The following EFNA5 variants were observed in gnomAD, a reference collection of about 807,000 sequenced individuals.
EFNA5 encodes ephrin-A5.
In EFNA5, 5 loss-of-function variants were observed where a neutral mutation model predicts 22.9. That is an observed-to-expected ratio of 0.22 (90% confidence interval 0.11 to 0.46). The LOEUF (loss-of-function observed/expected upper bound fraction) is 0.46. Among genes scored for constraint, EFNA5 ranks in the 20% least tolerant of loss-of-function variants. EFNA5 has a pLI of 0.99. For synonymous variants in EFNA5, 113 were observed against 112.2 expected, an observed-to-expected ratio of 1.01 and a Z score of -0.04; for missense variants, 237 against 293.3, an observed-to-expected ratio of 0.81 and a Z score of 1.40.
intron 1 of EFNA5, among the ~76,000 whole-genome samples, chr5:107,515,362 T>TTTATTATTATTATTATTA (rs70996961): frequency 2.8e-5 from 4 of 141,312 alleles, no homozygotes; most frequent in African/African-American, 7.9e-5. Context: ...TATTTTTTAT[T>TTTATTATTATTATTATTA]TTATTATTAT....
chr5:107,543,349 T>C (rs1424032523), intron 1 of EFNA5, among the ~76,000 whole-genome samples: 1 of 152,234 alleles, frequency 6.6e-6, no homozygotes, highest in East Asian at 1.9e-4. Context: ...AAGGAGACAT[T>C]TCAATTTAAG....
At chr5:107,527,511 G>A (rs755609186) in intron 1 of EFNA5, among the ~76,000 whole-genome samples, 2 of 151,916 alleles carry the variant, frequency 1.3e-5, no homozygotes, top group Middle Eastern at 3.4e-3. Context: ...TATCTTGAAC[G>A]CCTGACCTTG....
chr5:107,601,449 C>G (rs571357146), intron 1 of EFNA5, among the ~76,000 whole-genome samples: 30 of 152,264 alleles, frequency 2.0e-4, no homozygotes, highest in Middle Eastern at 6.8e-3. Flanking sequence ...AAGTGTAACT[C>G]TGAGAAAACA....
At chr5:107,434,156 A>C (rs1052398209) in intron 1 of EFNA5, among the ~76,000 whole-genome samples, 1 of 152,208 alleles carries the variant, frequency 6.6e-6, no homozygotes, top group Non-Finnish European at 1.5e-5. Context: ...TGGGTGGCTG[A>C]AAAAGGTACA....
chr5:107,466,515 G>A lies in EFNA5; in HGVS notation c.126-39006C>T, dbSNP rs17160006. On this transcript the variant is annotated intron_variant, in intron 1 of 4. Coordinates refer to ENST00000333274, the MANE Select transcript of EFNA5 (RefSeq NM_001962.3). ...CACAGGAGAACAAGGCTGATGTCACGGGGCCAAATCTGGGTGAATGGAATG... is the reference window on the plus strand; with the variant it reads ...CACAGGAGAACAAGGCTGATGTCACAGGGCCAAATCTGGGTGAATGGAATG... Among the ~76,000 whole-genome samples the A allele has an allele frequency of 7.3e-3, 1,116 of 152,202 alleles. 11 individuals carry two copies. The highest frequency in any genetic ancestry group is 0.025 in the African/African-American group (1,058 of 41,530).
At chr5:107,643,875 T>C (rs73781151) in intron 1 of EFNA5, among the ~76,000 whole-genome samples, 15 of 63,442 alleles carry the variant, frequency 2.4e-4, no homozygotes, top group African/African-American at 9.9e-4. Context: ...TTTTCTTTAA[T>C]AATAATAATA....
chr5:107,633,694 T>C (rs1750309739), intron 1 of EFNA5, among the ~76,000 whole-genome samples: 1 of 152,174 alleles, frequency 6.6e-6, no homozygotes, highest in African/African-American at 2.4e-5. Context: ...AATGAAGGTC[T>C]GAATGTCCCA....
At chr5:107,661,367 T>C (rs1026990172) in intron 1 of EFNA5, among the ~76,000 whole-genome samples, 4 of 152,142 alleles carry the variant, frequency 2.6e-5, no homozygotes, top group African/African-American at 9.7e-5. Flanking sequence ...AAACTTAAAA[T>C]GAAAACTAAA....
chr5:107,558,266 T>G lies in EFNA5; in HGVS notation c.125+112223A>C, dbSNP rs555437410. On this transcript the variant is annotated intron_variant, in intron 1 of 4. Coordinates refer to ENST00000333274, the MANE Select transcript of EFNA5 (RefSeq NM_001962.3). Reference sequence around the variant, plus strand: ...ACATAATGCCACACAGATTATACTGTTTTTTTTTTGTTGTTTATTTTTTGT... The same window carrying G: ...ACATAATGCCACACAGATTATACTGGTTTTTTTTTGTTGTTTATTTTTTGT... 3.5e-4 allele frequency among the ~76,000 whole-genome samples: 50 copies of G among 142,128 alleles called. No individual in the cohort carries two copies. In the South Asian group the frequency reaches 3.6e-3, roughly 10 times the overall value. The allele number at this position is 142,128 out of a possible 152,430, so 93.2% of individuals were successfully genotyped here.
chr5:107,383,722 T>A (rs1747530945), intron 4 of EFNA5, among the ~76,000 whole-genome samples: 1 of 152,212 alleles, frequency 6.6e-6, no homozygotes, highest in Non-Finnish European at 1.5e-5. Flanking sequence ...GTGAACCCCT[T>A]CATCACCACC....
chr5:107,635,426 A>G (rs1439681843), intron 1 of EFNA5, among the ~76,000 whole-genome samples: 1 of 152,228 alleles, frequency 6.6e-6, no homozygotes, highest in Non-Finnish European at 1.5e-5. Context: ...CCAGCGGTTC[A>G]GCAGGACACA....
At chr5:107,456,827 G>C (rs1749710259) in intron 1 of EFNA5, among the ~76,000 whole-genome samples, 1 of 152,042 alleles carries the variant, frequency 6.6e-6, no homozygotes, top group Non-Finnish European at 1.5e-5. Context: ...TCTGATGTTT[G>C]GGGTCTGTAA....
At chr5:107,489,053 T>C (rs578056515) in intron 1 of EFNA5, among the ~76,000 whole-genome samples, 5 of 152,182 alleles carry the variant, frequency 3.3e-5, no homozygotes, top group Admixed American at 2.6e-4. Flanking sequence ...GTGTTATACC[T>C]CCCAAAATAA....
At chr5:107,537,969 C>T (rs1157329157) in intron 1 of EFNA5, among the ~76,000 whole-genome samples, 1 of 152,090 alleles carries the variant, frequency 6.6e-6, no homozygotes, top group Non-Finnish European at 1.5e-5. Flanking sequence ...CAGCTGTCCT[C>T]CAGGGCTGAA....
intron 1 of EFNA5, among the ~76,000 whole-genome samples, chr5:107,427,734 T>TAATGTTTCAAAA (rs1199595411): frequency 6.6e-6 from 1 of 152,134 alleles, no homozygotes; most frequent in African/African-American, 2.4e-5. Context: ...TTTCAAAATA[T>TAATGTTTCAAAA]CCTACAAACT....
intron 1 of EFNA5, among the ~76,000 whole-genome samples, chr5:107,669,226 T>C (rs187340665): frequency 3.3e-5 from 5 of 151,368 alleles, no homozygotes; most frequent in South Asian, 2.1e-4. Context: ...CGCCCACCGA[T>C]ACCCTCTCTC....
At chr5:107,463,651 T>C (rs1057380507) in intron 1 of EFNA5, among the ~76,000 whole-genome samples, 1 of 152,188 alleles carries the variant, frequency 6.6e-6, no homozygotes, top group Non-Finnish European at 1.5e-5. Context: ...ATTCTGATAA[T>C]GTAAATTCAG....
chr5:107,436,932 A>C (rs1010725532), intron 1 of EFNA5, among the ~76,000 whole-genome samples: 1 of 147,060 alleles, frequency 6.8e-6, no homozygotes, highest in African/African-American at 2.5e-5. Context: ...ATAATAACTA[A>C]AGGGTTAATA....
intron 1 of EFNA5, among the ~76,000 whole-genome samples, chr5:107,527,950 C>G (rs1363758176): frequency 5.9e-5 from 9 of 152,150 alleles, no homozygotes; most frequent in Admixed American, 5.9e-4. Flanking sequence ...GAAGTTATCC[C>G]AAACATTCTC....
Sources: allele counts gnomAD v4.1 joint callset (sites outside exome capture counted in the v4.1 genomes callset), GRCh38; gene constraint gnomAD v4.1.1; transcripts MANE v1.5; gene names NCBI Gene and HGNC (gene_info 2026-07-23, HGNC 2026-07-21).